LTBP1: variants seen among roughly 807,000 people sequenced by gnomAD.
LTBP1 encodes the protein latent transforming growth factor beta binding protein 1.
A neutral mutation model predicts 207.6 loss-of-function variants in LTBP1; 129 were observed. That is an observed-to-expected ratio of 0.62 (90% CI 0.54 to 0.72). The LOEUF is 0.72. Among genes scored for constraint, LTBP1 ranks in the 30% least tolerant of loss-of-function variants. LTBP1 has a pLI of 0.00. For missense variants in LTBP1, 2,281 were observed against 2,217.2 expected (o/e 1.03, Z -0.58); for synonymous variants, 963 against 833.7 (o/e 1.16, Z -2.67).
chr2:33,051,147 T>C (rs2076718775), intron 3 of LTBP1, among the ~76,000 whole-genome samples: 1 of 152,170 alleles, frequency 6.6e-6, no homozygotes. Context: ...CCCGTTGTGG[T>C]GGCTTGTGCC....
Position 33,174,825 on chromosome 2 carries a change from G to C in LTBP1, c.1202-12031G>C, listed in dbSNP as rs1220914494. On this transcript the variant is annotated intron_variant, in intron 5 of 33. Coordinates refer to ENST00000404816, the MANE Select transcript of LTBP1 (RefSeq NM_206943.4). ...AAAACAGAGATATAGATCAATGGAAGAGAACAGAGCCCTCAGAAATAACGC... is the reference window on the plus strand; with the variant it reads ...AAAACAGAGATATAGATCAATGGAACAGAACAGAGCCCTCAGAAATAACGC... Among the ~76,000 whole-genome samples the C allele has an allele frequency of 2.3e-4, 35 of 151,782 alleles. 1 individual carries two copies. Among genetic ancestry groups the C allele is most frequent in the South Asian group, 1.5e-3 (7 of 4,774 alleles).
intron 20 of LTBP1, 112 bp downstream of exon 20, chr2:33,293,394 C>T (rs764781750): frequency 5.9e-4 from 613 of 1,044,760 alleles, no homozygotes; most frequent in Non-Finnish European, 7.5e-4. Context: ...TTTGACCGAG[C>T]GACTTAGAGC....
chr2:33,183,612 C>T (rs538956134), intron 5 of LTBP1, among the ~76,000 whole-genome samples: 12 of 152,240 alleles, frequency 7.9e-5, no homozygotes, highest in African/African-American at 1.9e-4. Flanking sequence ...GAAATTCATG[C>T]GTATTGGAAC....
chr2:33,034,665 T>C, intron 3 of LTBP1, among the ~76,000 whole-genome samples: 1 of 150,848 alleles, frequency 6.6e-6, no homozygotes, highest in South Asian at 2.1e-4. Flanking sequence ...ACACAACATA[T>C]ATAACCATTT....
intron 3 of LTBP1, among the ~76,000 whole-genome samples, chr2:33,058,829 G>A (rs922774792): frequency 4.6e-5 from 7 of 152,066 alleles, no homozygotes; most frequent in East Asian, 1.9e-4. Flanking sequence ...TATAAATGTC[G>A]CAGGAGAAAA....
intron 32 of LTBP1, among the ~76,000 whole-genome samples, chr2:33,393,561 A>G (rs540252163): frequency 0.013 from 1,902 of 150,886 alleles, 37 homozygotes; most frequent in African/African-American, 0.044. Context: ...CTGTCCTTGC[A>G]ATAGTTTGCT....
chr2:32,969,796 G>A (rs116068107), intron 2 of LTBP1, among the ~76,000 whole-genome samples: 18 of 152,304 alleles, frequency 1.2e-4, no homozygotes, highest in African/African-American at 4.1e-4. Context: ...CCAATAATGG[G>A]ATTGCTGGGT....
chr2:33,023,091 T>C (rs2075253110), intron 3 of LTBP1, among the ~76,000 whole-genome samples: 1 of 152,194 alleles, frequency 6.6e-6, no homozygotes, highest in African/African-American at 2.4e-5. Context: ...TATAAAGCTT[T>C]GATTATATCA....
chr2:33,039,996 C>T (rs947745339), intron 3 of LTBP1, among the ~76,000 whole-genome samples: 4 of 151,962 alleles, frequency 2.6e-5, no homozygotes, highest in African/African-American at 9.7e-5. Context: ...AATCAAGGAG[C>T]AGCCAGAAAA....
intron 26 of LTBP1, among the ~76,000 whole-genome samples, chr2:33,356,394 T>G (rs1334587553): frequency 6.6e-6 from 1 of 152,086 alleles, no homozygotes; most frequent in Non-Finnish European, 1.5e-5. Context: ...AGATCAGAAA[T>G]GTCTGCCGGG....
chr2:33,301,061 G>A (rs558948551), intron 21 of LTBP1, among the ~76,000 whole-genome samples: 70 of 152,278 alleles, frequency 4.6e-4, no homozygotes, highest in African/African-American at 1.5e-3. Context: ...GAGAAAGTTT[G>A]CAAAATATGT....
chr2:33,137,836 C>T (rs2082267990), intron 5 of LTBP1, among the ~76,000 whole-genome samples: 1 of 152,082 alleles, frequency 6.6e-6, no homozygotes, highest in Non-Finnish European at 1.5e-5. Flanking sequence ...GTTAGCTATG[C>T]CTAGAACCTA....
intron 5 of LTBP1, among the ~76,000 whole-genome samples, chr2:33,152,358 A>G (rs2083609827): frequency 6.6e-6 from 1 of 152,190 alleles, no homozygotes; most frequent in Admixed American, 6.5e-5. Flanking sequence ...AATCAAAACT[A>G]CAGTGCGATA....
intron 9 of LTBP1, among the ~76,000 whole-genome samples, chr2:33,241,742 T>C (rs2092330334): frequency 6.6e-6 from 1 of 152,202 alleles, no homozygotes; most frequent in South Asian, 2.1e-4. Flanking sequence ...AACTGGCTGG[T>C]TACCCAAACT....
chr2:33,080,434 G>T (rs536282179), intron 3 of LTBP1, among the ~76,000 whole-genome samples: 1 of 152,196 alleles, frequency 6.6e-6, no homozygotes, highest in East Asian at 1.9e-4. Flanking sequence ...TTTGTCTGTT[G>T]TCTACTTAAG....
At chr2:33,354,009 G>A (rs986222067) in intron 26 of LTBP1, among the ~76,000 whole-genome samples, 1 of 151,898 alleles carries the variant, frequency 6.6e-6, no homozygotes, top group African/African-American at 2.4e-5. Flanking sequence ...ACAGGCTCCC[G>A]CCACCATGCC....
chr2:33,147,002 A>C (rs2083107522), intron 5 of LTBP1, among the ~76,000 whole-genome samples: 1 of 152,214 alleles, frequency 6.6e-6, no homozygotes, highest in Non-Finnish European at 1.5e-5. Flanking sequence ...AGCCCCTGGA[A>C]GGAGAAGTGG....
At chr2:33,370,851 G>T (rs981277249) in intron 31 of LTBP1, among the ~76,000 whole-genome samples, 1 of 152,126 alleles carries the variant, frequency 6.6e-6, no homozygotes, top group Non-Finnish European at 1.5e-5. Context: ...GGAATAAATC[G>T]CACCACTTGT....
intron 2 of LTBP1, among the ~76,000 whole-genome samples, chr2:32,957,766 C>T (rs1181696475): frequency 6.6e-6 from 1 of 152,074 alleles, no homozygotes; most frequent in East Asian, 1.9e-4. Context: ...GTAAGAAACA[C>T]AGTGTTTGTG....
Sources: gnomAD v4.1 joint callset for allele counts (sites outside exome capture counted in the v4.1 genomes callset) on GRCh38, gnomAD v4.1.1 for gene constraint, MANE v1.5 for transcripts, NCBI Gene and HGNC (gene_info 2026-07-23, HGNC 2026-07-21) for gene names.